NRXN3: variants seen among roughly 807,000 people sequenced by gnomAD.
NRXN3 encodes neurexin 3.
NRXN3 carries 32 observed loss-of-function variants against 137.6 expected under a neutral mutation model. That is an observed-to-expected ratio of 0.23 (90% CI 0.18 to 0.31). NRXN3 has a LOEUF of 0.31. Among genes scored for constraint, NRXN3 ranks in the 10% least tolerant of loss-of-function variants. NRXN3 has a pLI of 1.00. For synonymous variants in NRXN3, 798 were observed against 784.5 expected, an observed-to-expected ratio of 1.02 and a Z score of -0.29; for missense variants, 1,574 against 2,062.5, an observed-to-expected ratio of 0.76 and a Z score of 4.59.
At chr14:79,304,352 A>G (rs2085671604) in intron 15 of NRXN3, among the ~76,000 whole-genome samples, 1 of 152,062 alleles carries the variant, frequency 6.6e-6, no homozygotes, top group African/African-American at 2.4e-5. Context: ...GAAAATCTCT[A>G]CATTTCCACC....
intron 8 of NRXN3, among the ~76,000 whole-genome samples, chr14:78,740,022 G>T (rs561357250): frequency 6.6e-6 from 1 of 152,164 alleles, no homozygotes; most frequent in Admixed American, 6.5e-5. Context: ...CCTAGGTTGG[G>T]TGCCCTGGCA....
Position 78,171,049 on chromosome 14 carries a change from T to A in NRXN3, c.-704+375T>A, listed in dbSNP as rs576343872. On this transcript the variant is annotated intron_variant, in intron 1 of 20. Coordinates refer to ENST00000335750, the MANE Select transcript of NRXN3 (RefSeq NM_001330195.2). ...CACTTCATTTTGGGCAGATACTTTT[T>A]TTTTGACATTTTGTAGTCACTTCCC... Among the ~76,000 whole-genome samples the A allele has an allele frequency of 2.6e-5, 4 of 151,934 alleles. No homozygotes were observed. The South Asian group carries it at 8.3e-4, about 32-fold the overall frequency.
chr14:79,826,207 G>C (rs1469367964), intron 20 of NRXN3, among the ~76,000 whole-genome samples: 4 of 152,036 alleles, frequency 2.6e-5, no homozygotes, highest in African/African-American at 9.7e-5. Context: ...TGGCCAGGCT[G>C]GTCTCAAACT....
intron 19 of NRXN3, among the ~76,000 whole-genome samples, chr14:79,797,785 A>G (rs991166020): frequency 6.6e-6 from 1 of 152,026 alleles, no homozygotes; most frequent in Non-Finnish European, 1.5e-5. Flanking sequence ...TGTTTTTTCT[A>G]GTTTTGATTA....
At chr14:78,315,667 T>A (rs183744300) in intron 4 of NRXN3, among the ~76,000 whole-genome samples, 1 of 152,348 alleles carries the variant, frequency 6.6e-6, no homozygotes, top group African/African-American at 2.4e-5. Flanking sequence ...CAAAAGTGAT[T>A]GGGATCTTAG....
Position 79,227,824 on chromosome 14 carries a change from TCCTCCCTTCCTC to T in NRXN3, c.3263-239372_3263-239361del, listed in dbSNP as rs771980665. On this transcript the variant is annotated intron_variant, in intron 15 of 20. Coordinates refer to ENST00000335750, the MANE Select transcript of NRXN3 (RefSeq NM_001330195.2). ...TCCCTTCCTCCCTCCCTTCCTCCCT[TCCTCCCTTCCTC>T]CCTCCCTTCCTCCCTCCCTTCCTCT... Among the ~76,000 whole-genome samples, 615 of 83,356 alleles carry T rather than the reference TCCTCCCTTCCTC, an allele frequency of 7.4e-3. 7 individuals carry two copies. Among genetic ancestry groups the T allele is most frequent in the African/African-American group, 0.024 (572 of 23,430 alleles). The allele number at this position is 83,356 out of a possible 152,430, so 54.7% of individuals were successfully genotyped here. A position where few individuals can be genotyped will look rare whatever the true frequency, so the allele number is the denominator to read the frequency against.
chr14:79,107,345 G>A (rs1032442207), intron 15 of NRXN3, among the ~76,000 whole-genome samples: 2 of 152,102 alleles, frequency 1.3e-5, no homozygotes, highest in Non-Finnish European at 2.9e-5. Context: ...ATGAGTATGT[G>A]AACTTTGAGG....
At chr14:79,804,853 G>T (rs897119582) in intron 19 of NRXN3, among the ~76,000 whole-genome samples, 7 of 152,066 alleles carry the variant, frequency 4.6e-5, no homozygotes, top group Non-Finnish European at 2.9e-5. Context: ...GATGGGTGAG[G>T]CTTAAGTCTC....
intron 4 of NRXN3, among the ~76,000 whole-genome samples, chr14:78,566,886 T>A (rs1263516592): frequency 6.6e-6 from 1 of 152,132 alleles, no homozygotes. Flanking sequence ...CAGAAAACCC[T>A]TGCACCACAG....
intron 15 of NRXN3, among the ~76,000 whole-genome samples, chr14:78,991,050 G>A (rs988164822): frequency 1.3e-5 from 2 of 152,200 alleles, no homozygotes; most frequent in African/African-American, 4.8e-5. Context: ...CCTGTATCAG[G>A]ACTCAAGTGT....
intron 4 of NRXN3, among the ~76,000 whole-genome samples, chr14:78,610,883 T>C (rs192803548): frequency 3.3e-4 from 50 of 152,336 alleles, no homozygotes; most frequent in African/African-American, 1.2e-3. Flanking sequence ...ATCTGCTGCA[T>C]AGGACCACTG....
intron 17 of NRXN3, among the ~76,000 whole-genome samples, chr14:79,684,172 G>A (rs56725806): frequency 0.016 from 2,449 of 152,260 alleles, 45 homozygotes; most frequent in African/African-American, 0.055. Context: ...TTCTTACCAT[G>A]TTTGGATGCT....
intron 14 of NRXN3, among the ~76,000 whole-genome samples, chr14:78,972,585 TCTTGTTGCC>T (rs2099446438): frequency 6.6e-6 from 1 of 152,110 alleles, no homozygotes; most frequent in Admixed American, 6.5e-5. Context: ...GTGAGAAAGC[TCTTGTTGCC>T]CTTGTTGCCC....
chr14:78,227,339 A>C (rs550082149), intron 1 of NRXN3, among the ~76,000 whole-genome samples: 1 of 151,576 alleles, frequency 6.6e-6, no homozygotes, highest in African/African-American at 2.4e-5. Context: ...TCATAGGTAG[A>C]TGGGAGTTGA....
At chr14:78,245,919 T>C (rs1337910052) in intron 2 of NRXN3, among the ~76,000 whole-genome samples, 1 of 152,184 alleles carries the variant, frequency 6.6e-6, no homozygotes, top group Non-Finnish European at 1.5e-5. Flanking sequence ...ATTTTGGGAA[T>C]GTGGTTATTG....
chr14:78,341,611 A>T (rs1476757360), intron 4 of NRXN3, among the ~76,000 whole-genome samples: 1 of 152,194 alleles, frequency 6.6e-6, no homozygotes, highest in Non-Finnish European at 1.5e-5. Flanking sequence ...ACCCTGAGTT[A>T]GGTGATTCTC....
At chr14:78,577,163 T>A (rs968998239) in intron 4 of NRXN3, among the ~76,000 whole-genome samples, 10 of 152,224 alleles carry the variant, frequency 6.6e-5, no homozygotes, top group Non-Finnish European at 1.5e-4. Context: ...GAATATTCAG[T>A]AATCCATGTA....
chr14:79,441,571 G>A (rs1026242263), intron 15 of NRXN3, among the ~76,000 whole-genome samples: 11 of 151,310 alleles, frequency 7.3e-5, no homozygotes, highest in African/African-American at 2.4e-4. Context: ...TAGTAGAGAC[G>A]GGGTTTCACC....
At chr14:79,372,981 C>A (rs1260530656) in intron 15 of NRXN3, among the ~76,000 whole-genome samples, 22 of 151,954 alleles carry the variant, frequency 1.4e-4, no homozygotes, top group Admixed American at 1.4e-3. Flanking sequence ...TAAAAAGAGA[C>A]CTTGAGTTTA....
Sources: gnomAD v4.1 joint callset for allele counts (sites outside exome capture counted in the v4.1 genomes callset) on GRCh38, gnomAD v4.1.1 for gene constraint, MANE v1.5 for transcripts, NCBI Gene and HGNC (gene_info 2026-07-23, HGNC 2026-07-21) for gene names.